The following GPAT3 variants were observed in gnomAD, a reference collection of about 807,000 sequenced individuals.
GPAT3 encodes 1-AGP acyltransferase 9.
In GPAT3, 53 loss-of-function variants were observed where a neutral mutation model predicts 58.8. The ratio of observed to expected loss-of-function variants is 0.90; its 90% CI spans 0.72 to 1.13. GPAT3 has a LOEUF of 1.13. GPAT3 is among the 50% of genes most tolerant of loss of function. GPAT3 has a pLI of 0.00. For missense variants in GPAT3, 511 were observed against 527.6 expected, an observed-to-expected ratio of 0.97 and a Z score of 0.31; for synonymous variants, 197 against 187.4, an observed-to-expected ratio of 1.05 and a Z score of -0.42.
intron 3 of GPAT3, among the ~76,000 whole-genome samples, chr4:83,582,773 GGTT>G (rs1043465923): frequency 6.8e-5 from 10 of 148,108 alleles, no homozygotes; most frequent in Non-Finnish European, 1.1e-4. Flanking sequence ...ATTATTTCTG[GGTT>G]GTTGTTGTTG....
At chr4:83,562,222 TATA>T (rs1174547613) in intron 2 of GPAT3, among the ~76,000 whole-genome samples, 79 of 69,514 alleles carry the variant, frequency 1.1e-3, no homozygotes, top group African/African-American at 5.1e-3. Flanking sequence ...TATATATATA[TATA>T]ATATATATAT....
chr4:83,542,648 C>T (rs1724345567), intron 1 of GPAT3, among the ~76,000 whole-genome samples: 1 of 152,196 alleles, frequency 6.6e-6, no homozygotes. Context: ...CCTCTCTAGT[C>T]AACAGACTCT....
chr4:83,547,246 C>CTTTTT lies in GPAT3; in HGVS notation c.208+2664_208+2668dup, dbSNP rs10618385. Among the ~76,000 whole-genome samples the CTTTTT allele has an allele frequency of 6.8e-4, 56 of 82,184 alleles. 1 individual carries two copies. Among genetic ancestry groups the CTTTTT allele is most frequent in the African/African-American group, 8.0e-4 (14 of 17,434 alleles). The allele number at this position is 82,184 out of a possible 152,430, so 53.9% of individuals were successfully genotyped here. ...CACTGAAAAACTTCCTTCTACTGCTCTTTTTTTTTTTTTTTTTTTTTTTTG... is the reference window on the plus strand; with the variant it reads ...CACTGAAAAACTTCCTTCTACTGCTCTTTTTTTTTTTTTTTTTTTTTTTTTTTTTG... On this transcript the variant is annotated intron_variant, in intron 2 of 11. Coordinates refer to ENST00000264409, the MANE Select transcript of GPAT3 (RefSeq NM_032717.5).
chr4:83,572,134 G>A (rs1193032732), intron 2 of GPAT3, among the ~76,000 whole-genome samples: 1 of 152,150 alleles, frequency 6.6e-6, no homozygotes. Flanking sequence ...AGTGGGCCCT[G>A]GTGTCTGTTT....
chr4:83,579,115 C>CCT (rs1726003558), intron 2 of GPAT3, among the ~76,000 whole-genome samples: 1 of 116,430 alleles, frequency 8.6e-6, no homozygotes, highest in Non-Finnish European at 1.8e-5. Flanking sequence ...TCCTTCCTTC[C>CCT]TTCCTTCCTT....
chr4:83,547,545 C>T (rs1214626343), intron 2 of GPAT3, among the ~76,000 whole-genome samples: 1 of 152,132 alleles, frequency 6.6e-6, no homozygotes, highest in Non-Finnish European at 1.5e-5. Flanking sequence ...AGCTACTGCG[C>T]CTGGCCTCTG....
At chr4:83,562,204 ATATATAT>A (rs1560610999) in intron 2 of GPAT3, among the ~76,000 whole-genome samples, 12 of 38,484 alleles carry the variant, frequency 3.1e-4, no homozygotes, top group African/African-American at 1.0e-3. Flanking sequence ...TATATAATAT[ATATATAT>A]TATATATATA....
chr4:83,560,465 G>T (rs1398193971), intron 2 of GPAT3, among the ~76,000 whole-genome samples: 3 of 151,888 alleles, frequency 2.0e-5, no homozygotes, highest in East Asian at 3.9e-4. Flanking sequence ...ACAGTCATAC[G>T]TACCTGCTCA....
chr4:83,551,940 C>T (rs1724772197), intron 2 of GPAT3, among the ~76,000 whole-genome samples: 1 of 151,404 alleles, frequency 6.6e-6, no homozygotes, highest in Admixed American at 6.6e-5. Context: ...AGAGAAAACC[C>T]CAACCAAATA....
chr4:83,604,870 T>C lies in GPAT3; in HGVS notation c.*103T>C. 2 of 965,112 alleles carry C rather than the reference T, an allele frequency of 2.1e-6. No homozygotes were observed. The highest frequency in any genetic ancestry group is 3.1e-6 in the Non-Finnish European group (2 of 655,514). 59.8% of individuals were successfully genotyped at this position (965,112 alleles called of 1,614,324 possible). ...TGTTTTGTTTTTATTATTGTTAATCTTTTCTACAGAATGATTGTCTCTACC... is the reference window on the plus strand; with the variant it reads ...TGTTTTGTTTTTATTATTGTTAATCCTTTCTACAGAATGATTGTCTCTACC... On this transcript the variant is annotated 3_prime_UTR_variant, in exon 12 of 12. Coordinates refer to ENST00000264409, the MANE Select transcript of GPAT3 (RefSeq NM_032717.5).
chr4:83,572,958 C>T (rs967890355), intron 2 of GPAT3, among the ~76,000 whole-genome samples: 11 of 152,054 alleles, frequency 7.2e-5, no homozygotes, highest in Admixed American at 6.6e-5. Flanking sequence ...GGTGGCAAAA[C>T]GTGGACTGGA....
At chr4:83,594,700 A>G (rs978319888) in intron 6 of GPAT3, 145 bp from the exon 7 acceptor site, 1 of 611,528 alleles carries the variant, frequency 1.6e-6, no homozygotes, top group African/African-American at 1.9e-5. Flanking sequence ...TTGGCCTTTC[A>G]GACTATTTGA....
chr4:83,563,538 A>G (rs1471908482), intron 2 of GPAT3, among the ~76,000 whole-genome samples: 1 of 141,688 alleles, frequency 7.1e-6, no homozygotes, highest in African/African-American at 2.6e-5. Context: ...CTGGAATGCA[A>G]TGGTGCGATC....
chr4:83,574,623 AATTTTTTTTTTTTTTTTTTTTTTTTTTT>A (rs1725719810), intron 2 of GPAT3, among the ~76,000 whole-genome samples: 1 of 70,796 alleles, frequency 1.4e-5, no homozygotes, highest in Non-Finnish European at 2.9e-5. Flanking sequence ...AAGTAAAATG[AATTTTTTTTTTTTTTTTTTTTTTTTTTT>A]TTTTTTTTTT....
intron 2 of GPAT3, among the ~76,000 whole-genome samples, chr4:83,548,180 G>A (rs2110073829): frequency 6.6e-6 from 1 of 152,296 alleles, no homozygotes; most frequent in Middle Eastern, 3.4e-3. Flanking sequence ...AGAAAATACA[G>A]GAATAATGGC....
intron 2 of GPAT3, among the ~76,000 whole-genome samples, chr4:83,559,195 A>G (rs1025473639): frequency 3.3e-4 from 50 of 152,290 alleles, no homozygotes; most frequent in African/African-American, 1.2e-3. Context: ...GGTCATCTTG[A>G]TTGTAAAAAG....
intron 3 of GPAT3, among the ~76,000 whole-genome samples, chr4:83,582,268 A>C (rs1219828042): frequency 6.6e-6 from 1 of 152,176 alleles, no homozygotes; most frequent in Non-Finnish European, 1.5e-5. Flanking sequence ...AAGAGAGAAA[A>C]AATTCTTGAG....
intron 2 of GPAT3, among the ~76,000 whole-genome samples, chr4:83,559,406 C>T (rs1325096524): frequency 1.3e-5 from 2 of 152,070 alleles, no homozygotes; most frequent in Admixed American, 6.5e-5. Flanking sequence ...TCACTGCAAC[C>T]CCTGCTTCCC....
At chr4:83,546,242 C>T (rs1241301866) in intron 2 of GPAT3, among the ~76,000 whole-genome samples, 1 of 152,182 alleles carries the variant, frequency 6.6e-6, no homozygotes, top group Admixed American at 6.5e-5. Flanking sequence ...ACCTCGGCCT[C>T]CCAAAGTGCT....
Sources: allele counts gnomAD v4.1 joint callset (sites outside exome capture counted in the v4.1 genomes callset), GRCh38; gene constraint gnomAD v4.1.1; transcripts MANE v1.5; gene names NCBI Gene and HGNC (gene_info 2026-07-23, HGNC 2026-07-21).